Variants in STAU2 observed in about 807,000 individuals in gnomAD.
STAU2 encodes the protein double-stranded RNA-binding protein Staufen homolog 2.
In STAU2, 20 loss-of-function variants were observed where a neutral mutation model predicts 65.9. The ratio of observed to expected loss-of-function variants is 0.30; its 90% CI spans 0.21 to 0.44. The LOEUF (loss-of-function observed/expected upper bound fraction) is 0.44, where lower values mean the gene tolerates loss of function less well. STAU2 is among the 20% of genes least tolerant of loss of function. The pLI, the probability that STAU2 is intolerant of heterozygous loss-of-function variation, is 1.00. For synonymous variants in STAU2, 232 were observed against 233.9 expected (o/e 0.99, Z 0.07); for missense variants, 558 against 683.9 (o/e 0.82, Z 2.05).
intron 13 of STAU2, among the ~76,000 whole-genome samples, chr8:73,449,048 G>A (rs1233361274): frequency 6.6e-6 from 1 of 152,252 alleles, no homozygotes; most frequent in Non-Finnish European, 1.5e-5. Context: ...CAGGAGCAAG[G>A]TGCCGGGAGA....
intron 13 of STAU2, among the ~76,000 whole-genome samples, chr8:73,486,993 T>G (rs79609102): frequency 0.021 from 3,236 of 152,188 alleles, 44 homozygotes; most frequent in Non-Finnish European, 0.031. Context: ...GCTGGAAATA[T>G]AAGCAAATCT....
intron 7 of STAU2, among the ~76,000 whole-genome samples, chr8:73,616,511 C>A (rs751704726): frequency 4.1e-4 from 62 of 152,082 alleles, no homozygotes; most frequent in Non-Finnish European, 8.1e-4. Flanking sequence ...AAGAAGCTCA[C>A]TATGCTGCCG....
chr8:73,497,645 A>C (rs1821498790), intron 13 of STAU2, among the ~76,000 whole-genome samples: 1 of 151,754 alleles, frequency 6.6e-6, no homozygotes, highest in South Asian at 2.1e-4. Context: ...TTACACTTGT[A>C]ATAGAACCTC....
In STAU2 at chr8:73,632,022, G is replaced by A. The variant is rs577562663; in HGVS notation, c.411-14571C>T. Among the ~76,000 whole-genome samples the A allele has an allele frequency of 2.6e-4, 40 of 151,808 alleles. 1 individual carries two copies. The South Asian group carries it at 7.9e-3, about 30-fold the overall frequency. On this transcript the variant is annotated intron_variant, in intron 6 of 14. Coordinates refer to ENST00000524300, the MANE Select transcript of STAU2 (RefSeq NM_001164380.2). ...GGGAGGAGAGGGAGGGAGGGAGGGA[G>A]GAAGACAGAGGGAGGAAAGGAGAGA...
chr8:73,701,989 T>C (rs953606277), intron 4 of STAU2, among the ~76,000 whole-genome samples: 31 of 152,204 alleles, frequency 2.0e-4, no homozygotes, highest in Admixed American at 1.2e-3. Flanking sequence ...GAGACAAACA[T>C]CACATGTTGT....
chr8:73,743,466 A>ATTT (rs10564049), intron 1 of STAU2, among the ~76,000 whole-genome samples: 7 of 94,000 alleles, frequency 7.4e-5, no homozygotes, highest in Non-Finnish European at 1.5e-4. Flanking sequence ...CTTCTTTTTA[A>ATTT]TTTTTTTTTT....
intron 13 of STAU2, among the ~76,000 whole-genome samples, chr8:73,518,793 T>A (rs1032052579): frequency 2.0e-5 from 3 of 152,134 alleles, no homozygotes; most frequent in Non-Finnish European, 2.9e-5. Flanking sequence ...TAATTTTGTT[T>A]AAGATATGAT....
At chr8:73,427,240 A>G (rs1585722888) in intron 13 of STAU2, among the ~76,000 whole-genome samples, 1 of 152,094 alleles carries the variant, frequency 6.6e-6, no homozygotes, top group East Asian at 1.9e-4. Context: ...AAAGATGTTA[A>G]TATGAGCTCT....
intron 6 of STAU2, among the ~76,000 whole-genome samples, chr8:73,649,869 TTATATATATATATATATATATATA>T (rs55814743): frequency 1.7e-4 from 12 of 71,628 alleles, no homozygotes; most frequent in South Asian, 1.2e-3. Flanking sequence ...CTATATAATT[TTATATATATATATATATATATATA>T]TATATATATA....
In STAU2 at chr8:73,487,030, T is replaced by C. The variant is rs564699725; in HGVS notation, c.1531-64328A>G. Among the ~76,000 whole-genome samples, 14 of 152,190 alleles carry C rather than the reference T, an allele frequency of 9.2e-5. No individual in the cohort carries two copies. In the South Asian group the frequency reaches 1.2e-3, roughly 14 times the overall value. On this transcript the variant is annotated intron_variant, in intron 13 of 14. Transcript: ENST00000524300. ...TTTATAATGGCAACAGAAAACTATA[T>C]GTAATATTTCAAAACTTCCCTTTCT...
chr8:73,626,460 C>T (rs550270466), intron 6 of STAU2, among the ~76,000 whole-genome samples: 3 of 152,258 alleles, frequency 2.0e-5, no homozygotes, highest in African/African-American at 7.2e-5. Context: ...AAGTTTTAAG[C>T]AGGAAAGTGG....
intron 11 of STAU2, among the ~76,000 whole-genome samples, chr8:73,585,792 C>T (rs1383363490): frequency 6.6e-6 from 1 of 152,158 alleles, no homozygotes. Flanking sequence ...ACCAAAATCT[C>T]ACCTTTAATT....
At chr8:73,466,625 T>C (rs1819670418) in intron 13 of STAU2, among the ~76,000 whole-genome samples, 1 of 152,098 alleles carries the variant, frequency 6.6e-6, no homozygotes, top group African/African-American at 2.4e-5. Flanking sequence ...TGCCATGGAG[T>C]TGCCCTGGCC....
chr8:73,688,591 TG>T, intron 5 of STAU2, 62 bp downstream of exon 5: 1 of 1,577,812 alleles, frequency 6.3e-7, no homozygotes, highest in Non-Finnish European at 8.7e-7. Context: ...CTACTATAAA[TG>T]AAACATACAA....
chr8:73,471,522 TA>T (rs373805321), intron 13 of STAU2, among the ~76,000 whole-genome samples: 59 of 136,278 alleles, frequency 4.3e-4, no homozygotes, highest in Non-Finnish European at 5.1e-4. Context: ...CTTCTGTAAT[TA>T]AAAAAAAAAA....
At chr8:73,458,680 T>C (rs1819196587) in intron 13 of STAU2, 1 of 152,260 alleles carries the variant, frequency 6.6e-6, no homozygotes, top group Non-Finnish European at 1.5e-5. Context: ...AAGTTACCTC[T>C]TGTTACATGA....
chr8:73,680,618 A>T (rs927314667), intron 5 of STAU2, among the ~76,000 whole-genome samples: 2 of 152,178 alleles, frequency 1.3e-5, no homozygotes, highest in Non-Finnish European at 2.9e-5. Context: ...AGGAAGAAAT[A>T]TCTGAATTAC....
chr8:73,706,314 A>G (rs1200808524), intron 4 of STAU2, among the ~76,000 whole-genome samples: 1 of 151,952 alleles, frequency 6.6e-6, no homozygotes, highest in Non-Finnish European at 1.5e-5. Flanking sequence ...GAAGGGTTTC[A>G]CCATGTTGGC....
At chr8:73,548,250 T>A (rs967731048) in intron 13 of STAU2, among the ~76,000 whole-genome samples, 2 of 149,808 alleles carry the variant, frequency 1.3e-5, no homozygotes, top group East Asian at 1.9e-4. Flanking sequence ...GAATACCTTA[T>A]TCTAAAAAAA....
Sources: allele counts gnomAD v4.1 joint callset (sites outside exome capture counted in the v4.1 genomes callset), GRCh38; gene constraint gnomAD v4.1.1; transcripts MANE v1.5; gene names NCBI Gene and HGNC (gene_info 2026-07-23, HGNC 2026-07-21).